PRKAR2B: variants seen among roughly 807,000 people sequenced by gnomAD.
PRKAR2B encodes protein kinase cAMP-dependent type II regulatory subunit beta.
A neutral mutation model predicts 49.9 loss-of-function variants in PRKAR2B; 14 were observed. That is an observed-to-expected ratio of 0.28 (90% CI 0.19 to 0.44). The LOEUF (loss-of-function observed/expected upper bound fraction) is 0.44. Ranked by LOEUF, PRKAR2B falls within the 20% of genes least tolerant of loss-of-function variation. The pLI is 1.00. For missense variants in PRKAR2B, 393 were observed against 537.9 expected, an observed-to-expected ratio of 0.73 and a Z score of 2.67; for synonymous variants, 196 against 197.7, an observed-to-expected ratio of 0.99 and a Z score of 0.07.
intron 1 of PRKAR2B, among the ~76,000 whole-genome samples, chr7:107,051,961 G>A (rs1793813902): frequency 6.6e-6 from 1 of 152,088 alleles, no homozygotes; most frequent in Admixed American, 6.6e-5. Context: ...GATGTTGAGG[G>A]GAATTTGGGG....
At chr7:107,048,850 C>T (rs771471161) in intron 1 of PRKAR2B, among the ~76,000 whole-genome samples, 20 of 152,102 alleles carry the variant, frequency 1.3e-4, no homozygotes, top group Non-Finnish European at 2.4e-4. Flanking sequence ...CAATTCTGGT[C>T]GAAAGAGCAA....
intron 1 of PRKAR2B, among the ~76,000 whole-genome samples, chr7:107,067,875 T>G (rs942986060): frequency 2.0e-5 from 3 of 152,212 alleles, no homozygotes; most frequent in African/African-American, 7.2e-5. Flanking sequence ...ACTGCATAAA[T>G]GAATCAAGTG....
Position 107,052,280 on chromosome 7 carries a change from G to A in PRKAR2B, c.307+7066G>A, listed in dbSNP as rs574220259. Among the ~76,000 whole-genome samples, 11 of 152,186 alleles carry A rather than the reference G, an allele frequency of 7.2e-5. No individual in the cohort carries two copies. In the South Asian group the frequency reaches 1.2e-3, roughly 17 times the overall value. ...CTAAAAATACAAAAATTAGCTGGGCGTGGTGGCGGGCGCCTTAATCCCAGC... is the reference window on the plus strand; with the variant it reads ...CTAAAAATACAAAAATTAGCTGGGCATGGTGGCGGGCGCCTTAATCCCAGC... On this transcript the variant is annotated intron_variant, in intron 1 of 10. Coordinates refer to ENST00000265717, the MANE Select transcript of PRKAR2B (RefSeq NM_002736.3).
At chr7:107,128,118 A>T in intron 3 of PRKAR2B, 94 bp from the exon 4 acceptor site, 1 of 800,402 alleles carries the variant, frequency 1.2e-6, no homozygotes, top group Non-Finnish European at 2.0e-6. Flanking sequence ...TCTTCTTTCT[A>T]ATGTTGGTTC....
intron 6 of PRKAR2B, among the ~76,000 whole-genome samples, chr7:107,150,298 A>G (rs762267497): frequency 1.3e-5 from 2 of 152,172 alleles, no homozygotes; most frequent in Non-Finnish European, 2.9e-5. Flanking sequence ...TGAACATGGT[A>G]AACACTGGAA....
At chr7:107,074,769 G>A (rs1339477839) in intron 2 of PRKAR2B, among the ~76,000 whole-genome samples, 1 of 152,126 alleles carries the variant, frequency 6.6e-6, no homozygotes, top group African/African-American at 2.4e-5. Flanking sequence ...CCGTACTCCA[G>A]CCTGAGCGAC....
At chr7:107,089,627 A>T (rs966451943) in intron 2 of PRKAR2B, among the ~76,000 whole-genome samples, 1 of 152,250 alleles carries the variant, frequency 6.6e-6, no homozygotes, top group Admixed American at 6.5e-5. Flanking sequence ...TTTTCTAAAA[A>T]CAATAAAGCT....
intron 8 of PRKAR2B, among the ~76,000 whole-genome samples, chr7:107,155,374 T>C (rs1403486259): frequency 6.6e-6 from 1 of 152,092 alleles, no homozygotes; most frequent in Non-Finnish European, 1.5e-5. Context: ...GCCAACATGG[T>C]GAAACCCCAT....
At chr7:107,127,407 G>A (rs998760180) in intron 3 of PRKAR2B, among the ~76,000 whole-genome samples, 3 of 152,218 alleles carry the variant, frequency 2.0e-5, no homozygotes, top group Non-Finnish European at 4.4e-5. Context: ...TGGACCTTTT[G>A]GTCCAAGTCA....
chr7:107,092,595 T>G (rs193106985), intron 2 of PRKAR2B, among the ~76,000 whole-genome samples: 14 of 152,290 alleles, frequency 9.2e-5, no homozygotes, highest in Admixed American at 4.6e-4. Flanking sequence ...AGTTGTTGCT[T>G]TATGAAATGT....
At chr7:107,128,788 T>TTG (rs1554372582) in intron 4 of PRKAR2B, 1 of 26,112 alleles carries the variant, frequency 3.8e-5, no homozygotes. Flanking sequence ...TAAGGTGAGG[T>TTG]TTTTTTTTTT....
At chr7:107,102,693 CAG>C (rs1794995679) in intron 2 of PRKAR2B, among the ~76,000 whole-genome samples, 1 of 152,172 alleles carries the variant, frequency 6.6e-6, no homozygotes, top group South Asian at 2.1e-4. Flanking sequence ...TTGTTTGAGA[CAG>C]AGCCTCGCTC....
In PRKAR2B at chr7:107,156,445, A is replaced by G. The variant is rs893032633; in HGVS notation, c.919-539A>G. Reference sequence around the variant, plus strand: ...AGAGCGAGACTCCATCTTGGGGGGGAAAAAGAAAGTATTATTTCAAATAAT... The same window carrying G: ...AGAGCGAGACTCCATCTTGGGGGGGGAAAAGAAAGTATTATTTCAAATAAT... On this transcript the variant is annotated intron_variant, in intron 8 of 10. Transcript: ENST00000265717. Among the ~76,000 whole-genome samples, 20 of 151,814 alleles carry G rather than the reference A, an allele frequency of 1.3e-4. No individual in the cohort carries two copies. In the East Asian group the frequency reaches 1.5e-3, roughly 12 times the overall value.
At chr7:107,107,769 G>A (rs1584432600) in intron 2 of PRKAR2B, among the ~76,000 whole-genome samples, 2 of 151,794 alleles carry the variant, frequency 1.3e-5, no homozygotes, top group Admixed American at 1.3e-4. Flanking sequence ...GCAATTCTCC[G>A]GCCTCAGCCT....
rs1351778385 is a variant in PRKAR2B at position 107,045,109 on chromosome 7, G to A, written c.202G>A (p.Gly68Ser). 1.3e-6 allele frequency: 2 copies of A among 1,526,468 alleles called. No homozygotes were observed. Among genetic ancestry groups the A allele is most frequent in the African/African-American group, 1.4e-5 (1 of 72,584 alleles). 94.6% of individuals were successfully genotyped at this position (1,526,468 alleles called of 1,614,324 possible). A position where few individuals can be genotyped will look rare whatever the true frequency, so the allele number is the denominator to read the frequency against. The change falls in exon 1 of 11, where the codon GGC becomes AGC. Residue 68 changes from glycine (G) to serine (S), a missense_variant. By Grantham distance (56) the Gly-to-Ser change is moderately conservative (BLOSUM62 0). This residue lies in a region of PRKAR2B where 160 missense variants were observed against 147.6 expected (regional missense o/e 1.08). Transcript: ENST00000265717. ...WGDLGAAAGG[G>S]TPSKGVNFAE... Reference sequence around the variant, plus strand: ...GGACCTGGGCGCCGCTGCCGGGGGCGGCACCCCCAGCAAGGGGGTCAACTT... The same window carrying A: ...GGACCTGGGCGCCGCTGCCGGGGGCAGCACCCCCAGCAAGGGGGTCAACTT...
chr7:107,095,845 G>A (rs1420604547), intron 2 of PRKAR2B, among the ~76,000 whole-genome samples: 1 of 152,214 alleles, frequency 6.6e-6, no homozygotes, highest in African/African-American at 2.4e-5. Flanking sequence ...GCATCCCAGG[G>A]ATGAAGCCCA....
chr7:107,099,853 C>T (rs905191194), intron 2 of PRKAR2B, among the ~76,000 whole-genome samples: 1 of 152,070 alleles, frequency 6.6e-6, no homozygotes. Flanking sequence ...CCAGGATGGT[C>T]TTGATCTCCT....
chr7:107,099,622 C>T (rs1329654761), intron 2 of PRKAR2B, among the ~76,000 whole-genome samples: 1 of 151,278 alleles, frequency 6.6e-6, no homozygotes, highest in Non-Finnish European at 1.5e-5. Context: ...CCTATTCGGC[C>T]ATCTTGCATG....
intron 10 of PRKAR2B, among the ~76,000 whole-genome samples, chr7:107,158,934 A>G (rs1044925194): frequency 3.9e-5 from 6 of 152,244 alleles, no homozygotes; most frequent in Non-Finnish European, 7.3e-5. Flanking sequence ...TCTAGCATGT[A>G]CTTATAGAAG....
Sources: gnomAD v4.1 joint callset for allele counts (sites outside exome capture counted in the v4.1 genomes callset) on GRCh38, gnomAD v4.1.1 for gene constraint, gnomAD v4.1.1 regional missense constraint, MANE v1.5 for transcripts, NCBI Gene and HGNC (gene_info 2026-07-23, HGNC 2026-07-21) for gene names.